Variants in NOL4L observed in about 807,000 individuals in gnomAD.
The protein encoded by NOL4L is nucleolar protein 4 like.
NOL4L carries 7 observed loss-of-function variants against 64.5 expected under a neutral mutation model. The ratio of observed to expected loss-of-function variants is 0.11; its 90% CI spans 0.06 to 0.20. The LOEUF (loss-of-function observed/expected upper bound fraction) is 0.20. NOL4L is among the 10% of genes least tolerant of loss of function. The probability of loss-of-function intolerance (pLI) is 1.00; values close to 1 mark genes in which losing one functional copy is unlikely to be tolerated. For synonymous variants in NOL4L, 413 were observed against 401.0 expected, an observed-to-expected ratio of 1.03 and a Z score of -0.36; for missense variants, 680 against 967.1, an observed-to-expected ratio of 0.70 and a Z score of 3.94.
At chr20:32,462,903 T>TAAAAAAAAAA (rs564168973) in intron 5 of NOL4L, among the ~76,000 whole-genome samples, 5 of 76,652 alleles carry the variant, frequency 6.5e-5, no homozygotes, top group African/African-American at 1.4e-4. Flanking sequence ...GACTCTGTCT[T>TAAAAAAAAAA]AAAAAAAAAA....
At chr20:32,497,999 A>AT (rs1179139534) in intron 4 of NOL4L, among the ~76,000 whole-genome samples, 1 of 152,116 alleles carries the variant, frequency 6.6e-6, no homozygotes, top group Non-Finnish European at 1.5e-5. Flanking sequence ...TGCTTCCTGC[A>AT]TTTTTTCCCC....
intron 3 of NOL4L, among the ~76,000 whole-genome samples, chr20:32,517,022 G>A (rs140833598): frequency 5.7e-4 from 87 of 152,296 alleles, no homozygotes; most frequent in Non-Finnish European, 1.0e-3. Flanking sequence ...AATTCCTCAG[G>A]GACTGGTGGA....
At position 32,452,303 on chromosome 20, in the gene NOL4L, G is replaced by A. The variant is rs770503584; in HGVS notation, c.1755C>T (p.Arg585=). 3.8e-5 allele frequency: 61 copies of A among 1,608,230 alleles called. No individual in the cohort carries two copies. Among genetic ancestry groups the A allele is most frequent in the Middle Eastern group, 1.7e-4 (1 of 6,020 alleles). ...GGTTGCTGCTCAAGGCCCCGTACCC[G>A]CGGTAACTGTAGTTGAGGCCGCCGT... The part of the protein sequence containing the change: ...YANGGLNYSY[R]GYGALSSNLQ... The change falls in exon 10 of 11, where the codon CGC becomes CGT. Residue 585 remains arginine, a synonymous_variant. Coordinates refer to ENST00000621426, the MANE Select transcript of NOL4L (RefSeq NM_001256798.2).
chr20:32,516,013 T>C (rs1042487955), intron 3 of NOL4L, among the ~76,000 whole-genome samples: 1 of 152,198 alleles, frequency 6.6e-6, no homozygotes, highest in African/African-American at 2.4e-5. Flanking sequence ...TGGGCGCCAA[T>C]GGCACTCATC....
chr20:32,469,038 C>T lies in NOL4L; in HGVS notation c.841+5563G>A, dbSNP rs375941679. On this transcript the variant is annotated intron_variant, in intron 5 of 10. Transcript: ENST00000621426. ...TGGGCAAGTTACTTCCCCTCGGAGA[C>T]GATGTTTCCTGCCCTGTGGAACAGC... Among the ~76,000 whole-genome samples the T allele has an allele frequency of 9.4e-4, 143 of 152,178 alleles. 1 individual carries two copies. The South Asian group carries it at 0.028, about 30-fold the overall frequency.
At chr20:32,495,817 C>G (rs1041124753) in intron 4 of NOL4L, among the ~76,000 whole-genome samples, 2 of 152,042 alleles carry the variant, frequency 1.3e-5, no homozygotes, top group African/African-American at 4.8e-5. Flanking sequence ...ATTAGCTGGG[C>G]GCGGTGTTGA....
In NOL4L at chr20:32,453,993, C is replaced by T. The variant is rs1311026195; in HGVS notation, c.1120-232G>A. 7.1e-6 allele frequency: 4 copies of T among 566,338 alleles called. No homozygotes were observed. The African/African-American group carries it at 7.5e-5, about 11-fold the overall frequency. 35.1% of individuals were successfully genotyped at this position (566,338 alleles called of 1,614,324 possible). ...CCTGGGCTGCCGCAGGGAGGACCGA[C>T]TGCAATAGTGTATGCAGAGACCTGG... On this transcript the variant is annotated intron_variant, in intron 6 of 10. Coordinates refer to ENST00000621426, the MANE Select transcript of NOL4L (RefSeq NM_001256798.2). The surrounding 1 kb of genome is among the most constrained non-coding windows in gnomAD (Gnocchi z 5.6).
At chr20:32,488,879 CTTTCTTTCTTTCTTTCCT>C (rs2016325407) in intron 4 of NOL4L, among the ~76,000 whole-genome samples, 1 of 84,936 alleles carries the variant, frequency 1.2e-5, no homozygotes, top group African/African-American at 6.3e-5. Context: ...TTCTTTCTTT[CTTTCTTTCTTTCTTTCCT>C]CTCTCTTTCT....
intron 5 of NOL4L, among the ~76,000 whole-genome samples, chr20:32,467,420 C>A (rs1285005967): frequency 6.6e-6 from 1 of 152,130 alleles, no homozygotes; most frequent in Non-Finnish European, 1.5e-5. Context: ...GACCCCCTAG[C>A]CCGGCTCCCT....
At chr20:32,536,274 G>A in intron 1 of NOL4L, 1 of 985,394 alleles carries the variant, frequency 1.0e-6, no homozygotes, top group Non-Finnish European at 1.2e-6. Flanking sequence ...GTAGCCCTGA[G>A]CCAGCCAGGC....
At chr20:32,488,458 C>T (rs1025664499) in intron 4 of NOL4L, among the ~76,000 whole-genome samples, 1 of 152,174 alleles carries the variant, frequency 6.6e-6, no homozygotes, top group African/African-American at 2.4e-5. Flanking sequence ...TAGCTTTTAT[C>T]ATCAGGATTG....
Position 32,447,224 on chromosome 20 carries a change from C to A in NOL4L, c.*372G>T. 1 of 492,210 alleles carries A rather than the reference C, an allele frequency of 2.0e-6. No individual in the cohort carries two copies. Among genetic ancestry groups the A allele is most frequent in the Non-Finnish European group, 4.0e-6 (1 of 251,458 alleles). 30.5% of individuals were successfully genotyped at this position (492,210 alleles called of 1,614,324 possible). ...TGCTTTTCTCAATAAATATGCAATT[C>A]TGCTCACCTAAGACTTGAAAGGTAA... On this transcript the variant is annotated 3_prime_UTR_variant, in exon 11 of 11. Coordinates refer to ENST00000621426, the MANE Select transcript of NOL4L (RefSeq NM_001256798.2).
intron 4 of NOL4L, chr20:32,486,601 C>T (rs1381977041): frequency 5.7e-5 from 23 of 406,798 alleles, no homozygotes; most frequent in Non-Finnish European, 1.1e-4. Context: ...AGGATCTTAG[C>T]GTGACCAGAG....
chr20:32,456,379 C>T lies in NOL4L; in HGVS notation c.858G>A (p.Glu286=). Residue 286 remains glutamate, a synonymous_variant, in exon 6 of 11, where the codon GAG becomes GAA. Coordinates refer to ENST00000621426, the MANE Select transcript of NOL4L (RefSeq NM_001256798.2). Reference sequence around the variant, plus strand: ...TGGAGGAGCCATTGCCGCTGCCACTCTCAGAGGAGGAGTCATCTGGAATGA... The same window carrying T: ...TGGAGGAGCCATTGCCGCTGCCACTTTCAGAGGAGGAGTCATCTGGAATGA... ...HSQEDDDSSS[E]SGSGNGSSTL... The T allele has an allele frequency of 6.8e-7, 1 of 1,469,366 alleles. No homozygotes were observed. The highest frequency in any genetic ancestry group is 9.0e-7 in the Non-Finnish European group (1 of 1,106,678). 91.0% of individuals were successfully genotyped at this position (1,469,366 alleles called of 1,614,324 possible).
At chr20:32,577,739 T>C (rs1262972284) in intron 1 of NOL4L, among the ~76,000 whole-genome samples, 4 of 152,308 alleles carry the variant, frequency 2.6e-5, no homozygotes, top group African/African-American at 7.2e-5. Context: ...CTCAGGCCCC[T>C]GATAGTACTG....
At chr20:32,495,221 C>G (rs2016639656) in intron 4 of NOL4L, among the ~76,000 whole-genome samples, 1 of 152,254 alleles carries the variant, frequency 6.6e-6, no homozygotes, top group African/African-American at 2.4e-5. Context: ...AGTTAAAGAA[C>G]ATCTTCTGTT....
intron 4 of NOL4L, among the ~76,000 whole-genome samples, chr20:32,494,288 A>AAC (rs1555797935): frequency 3.0e-4 from 38 of 126,008 alleles, no homozygotes; most frequent in Non-Finnish European, 4.0e-4. Flanking sequence ...AAAAACACAC[A>AAC]ACACACACAC....
intron 1 of NOL4L, among the ~76,000 whole-genome samples, chr20:32,575,222 G>T (rs1331458520): frequency 3.3e-5 from 5 of 151,940 alleles, no homozygotes; most frequent in African/African-American, 1.2e-4. Flanking sequence ...CCTCCATCTG[G>T]CCCCAACCAA....
At chr20:32,450,210 G>A (rs1013339466) in intron 10 of NOL4L, 2 of 152,316 alleles carry the variant, frequency 1.3e-5, no homozygotes, top group African/African-American at 4.8e-5. Context: ...AAAGTGAGGA[G>A]CTCTGAGCCA....
Sources: gnomAD v4.1 joint callset for allele counts (sites outside exome capture counted in the v4.1 genomes callset) on GRCh38, gnomAD v4.1.1 for gene constraint, Gnocchi (gnomAD v3.1) non-coding constraint, MANE v1.5 for transcripts, NCBI Gene and HGNC (gene_info 2026-07-23, HGNC 2026-07-21) for gene names.